The following MYH7 variants were observed in gnomAD, a reference collection of about 807,000 sequenced individuals.
MYH7 encodes the protein myosin heavy chain 7.
MYH7 carries 129 observed loss-of-function variants against 225.4 expected under a neutral mutation model. The observed-to-expected ratio is 0.57, with a 90% CI of 0.50 to 0.66. MYH7 has a LOEUF of 0.66. Ranked by LOEUF, MYH7 falls within the 30% of genes least tolerant of loss-of-function variation. The pLI, the probability that MYH7 is intolerant of heterozygous loss-of-function variation, is 0.00. For synonymous variants in MYH7, 971 were observed against 1,007.6 expected, an observed-to-expected ratio of 0.96 and a Z score of 0.69; for missense variants, 1,649 against 2,517.0, an observed-to-expected ratio of 0.66 and a Z score of 7.38.
Position 23,417,252 on chromosome 14 carries a change from C to G in MYH7, c.4420G>C (p.Ala1474Pro). ...AAGAGCTCTGTGCTGAGGGAGCGAGCCTCCTTCTGCGAGGACTCCAGCTCC... is the reference window on the plus strand; with the variant it reads ...AAGAGCTCTGTGCTGAGGGAGCGAGGCTCCTTCTGCGAGGACTCCAGCTCC... Reference protein sequence around the residue: ...QSELESSQKEARSLSTELFKL... With the variant: ...QSELESSQKEPRSLSTELFKL... The change falls in exon 32 of 40, where the codon GCT (alanine) becomes CCT (proline). Residue 1474 changes from alanine to proline, a missense_variant. Ala to Pro is a conservative substitution (Grantham distance 27). This residue lies in a region of MYH7 where 687 missense variants were observed against 913.8 expected (regional missense o/e 0.75). Coordinates refer to ENST00000355349, the MANE Select transcript of MYH7 (RefSeq NM_000257.4). The G allele has an allele frequency of 1.2e-6, 2 of 1,614,182 alleles. No individual in the cohort carries two copies. Among genetic ancestry groups the G allele is most frequent in the Non-Finnish European group, 1.7e-6 (2 of 1,180,024 alleles).
At chr14:23,426,567 A>G (rs1168190463) in intron 18 of MYH7, among the ~76,000 whole-genome samples, 3 of 152,266 alleles carry the variant, frequency 2.0e-5, no homozygotes, top group Admixed American at 6.5e-5. Context: ...GGTAATGTCC[A>G]TCAGAGTGCC....
At chr14:23,418,470 C>A in intron 29 of MYH7, 64 bp from the exon 30 acceptor site, 1 of 1,513,406 alleles carries the variant, frequency 6.6e-7, no homozygotes, top group South Asian at 1.3e-5. Flanking sequence ...CCACCCTTGC[C>A]CTTCTCCTCA....
rs397516112 is a variant in MYH7, at chr14:23,433,577, C to G, written c.156G>C (p.Val52=). ...DKQEFVKAKI[V]SREGGKVTAE... is the part of the protein sequence containing the mutation. Reference sequence around the variant, plus strand: ...CAGTGACTTTGCCACCCTCTCGAGACACGATCTTGGCCTTGACAAACTCCT... The same window carrying G: ...CAGTGACTTTGCCACCCTCTCGAGAGACGATCTTGGCCTTGACAAACTCCT... The change falls in exon 3 of 40, where the codon GTG becomes GTC. Residue 52 remains valine, a synonymous_variant. Transcript: ENST00000355349. The surrounding 1 kb of genome is among the most constrained non-coding windows in gnomAD (Gnocchi z 4.1). 6.2e-7 allele frequency: 1 copy of G among 1,614,254 alleles called. No homozygotes were observed.
At chr14:23,431,332 G>C in intron 9 of MYH7, 86 bp downstream of exon 9, 1 of 1,319,436 alleles carries the variant, frequency 7.6e-7, no homozygotes, top group Non-Finnish European at 1.1e-6. Flanking sequence ...AACAGAGGGA[G>C]GGAGGGGAGA....
chr14:23,417,176 T>C lies in MYH7; in HGVS notation c.4496A>G (p.Lys1499Arg), dbSNP rs1334722181. The C allele has an allele frequency of 6.2e-7, 1 of 1,614,200 alleles. No homozygotes were observed. Among genetic ancestry groups the C allele is most frequent in the East Asian group, 2.2e-5 (1 of 44,870 alleles). Residue 1499 changes from lysine (K) to arginine (R), a missense_variant, in exon 32 of 40, where the codon AAG (lysine) becomes AGG (arginine). Lys to Arg is a conservative substitution (Grantham distance 26). Coordinates refer to ENST00000355349, the MANE Select transcript of MYH7 (RefSeq NM_000257.4). ...EESLEHLETFKRENKNLQEEI... is the reference protein window; with the variant it reads ...EESLEHLETFRRENKNLQEEI... ...ACCCTGCAGGTTTTTGTTCTCCCGC[T>C]TGAAGGTCTCCAGATGTTCCAGGGA...
At position 23,420,111 on chromosome 14, in the gene MYH7, C is replaced by T. The variant is rs1211784451; in HGVS notation, c.3460G>A (p.Gly1154Ser). Reference sequence around the variant, plus strand: ...TCGATCTGCACGGACGTGGCCCCGCCGGCCTCTTCCAGCCGCTCGCTGATC... The same window carrying T: ...TCGATCTGCACGGACGTGGCCCCGCTGGCCTCTTCCAGCCGCTCGCTGATC... ...EEISERLEEA[G>S]GATSVQIEMN... is the part of the protein sequence containing the mutation. Residue 1154 changes from glycine (G) to serine (S), a missense_variant, in exon 27 of 40, where the codon GGC becomes AGC. Physicochemically the swap from Gly to Ser is moderately conservative, Grantham distance 56. Transcript: ENST00000355349. 18 of 1,604,348 alleles carry T rather than the reference C, an allele frequency of 1.1e-5. No individual in the cohort carries two copies. Among genetic ancestry groups the T allele is most frequent in the Admixed American group, 1.7e-5 (1 of 59,550 alleles).
At chr14:23,422,632 C>CTTTT (rs33928947) in intron 24 of MYH7, among the ~76,000 whole-genome samples, 11 of 116,108 alleles carry the variant, frequency 9.5e-5, no homozygotes, top group African/African-American at 1.3e-4. Flanking sequence ...TTCCTTCCTC[C>CTTTT]TTTTTTTTTT....
chr14:23,428,095 G>C (rs1892768428), intron 15 of MYH7, among the ~76,000 whole-genome samples: 1 of 152,188 alleles, frequency 6.6e-6, no homozygotes, highest in Middle Eastern at 3.2e-3. Context: ...CTTTGTGAAA[G>C]TCTGGGAATA....
chr14:23,419,097 G>A, intron 29 of MYH7, 80 bp downstream of exon 29: 2 of 1,248,278 alleles, frequency 1.6e-6, no homozygotes, highest in African/African-American at 1.8e-5. Flanking sequence ...CAGCCTTATT[G>A]CTGGGAAGGG....
chr14:23,428,957 C>T lies in MYH7; in HGVS notation c.1405G>A (p.Asp469Asn), dbSNP rs397516106. Residue 469 changes from aspartate (D) to asparagine (N), a missense_variant and splice_region_variant, in exon 14 of 40, where the codon GAT becomes AAT. Asp to Asn is a conservative substitution (Grantham distance 23). Transcript: ENST00000355349. The part of the protein sequence containing the change: ...VLDIAGFEIF[D>N]FNSFEQLCIN... ...CACTCCCAGGGGTCCCAACTCACAT[C>T]GAAGATCTCGAAGCCAGCGATGTCC... 2.8e-5 allele frequency: 45 copies of T among 1,614,038 alleles called. No individual in the cohort carries two copies. The highest frequency in any genetic ancestry group is 3.6e-5 in the Non-Finnish European group (43 of 1,180,036).
chr14:23,425,391 G>A lies in MYH7; in HGVS notation c.2314C>T (p.Leu772=). 1.2e-6 allele frequency: 2 copies of A among 1,614,162 alleles called. No homozygotes were observed. Among genetic ancestry groups the A allele is most frequent in the Non-Finnish European group, 8.5e-7 (1 of 1,180,034 alleles). ...CTCTCGTCCCTCATTTCCTCCAGCA[G>A]CCCCAGCAGCCCGGCCTTGAAGAAC... is the stretch of plus-strand genomic sequence containing the variant. ...KVFFKAGLLG[L]LEEMRDERLS... Residue 772 remains leucine, a synonymous_variant, in exon 21 of 40, where the codon CTG becomes TTG. Transcript: ENST00000355349. This position sits in a 1 kb window ranked among gnomAD's most constrained non-coding sequence, Gnocchi z 4.6.
At position 23,429,799 on chromosome 14, in the gene MYH7, G is replaced by A. The variant is rs1892853089; in HGVS notation, c.1114C>T (p.Gln372Ter). 1 of 1,612,834 alleles carries A rather than the reference G, an allele frequency of 6.2e-7. No homozygotes were observed. Reference protein sequence around the residue: ...MKFKLKQREEQAEPDGTEEAD... With the variant: ...MKFKLKQREE The stretch of plus-strand genomic sequence containing the variant: ...CCTTCAGTGCCGTCTGGCTCCGCCT[G>A]CTCCTCCCGCTGCTTCAGCTTGAAC... The change falls in exon 12 of 40, where the codon CAG becomes TAG. Residue 372 changes from glutamine to a stop codon, truncating the protein, a stop_gained. Coordinates refer to ENST00000355349, the MANE Select transcript of MYH7 (RefSeq NM_000257.4). LOFTEE classifies it high-confidence loss of function.
At position 23,428,864 on chromosome 14, in the gene MYH7, T is replaced by C. The variant is rs902251713; in HGVS notation, c.1407+91A>G. The C allele has an allele frequency of 6.9e-6, 11 of 1,602,210 alleles. No individual in the cohort carries two copies. In the African/African-American group the frequency reaches 1.5e-4, roughly 21 times the overall value. On this transcript the variant is annotated intron_variant, in intron 14 of 39. Transcript: ENST00000355349. ...CCACACAGTCCCCACTGCCTTCCCATGTCTGGTCCACAGCTGGCTCTAAGC... is the reference window on the plus strand; with the variant it reads ...CCACACAGTCCCCACTGCCTTCCCACGTCTGGTCCACAGCTGGCTCTAAGC...
rs375323916 is a variant in MYH7 at position 23,421,000 on chromosome 14, C to A, written c.3294G>T (p.Gln1098His). 4 of 1,612,586 alleles carry A rather than the reference C, an allele frequency of 2.5e-6. No homozygotes were observed. The African/African-American group carries it at 5.3e-5, about 22-fold the overall frequency. Residue 1098 changes from glutamine to histidine, a missense_variant, in exon 26 of 40, where the codon CAG becomes CAT. Gln to His is a conservative substitution (Grantham distance 24, BLOSUM62 0). Around this residue, in one of 12 missense-constraint regions of MYH7, gnomAD observed 282 missense variants for 315.3 expected, o/e 0.89. Transcript: ENST00000355349. ...TCTTCTGCAGCTGGCTGCCGAGGGC[C>A]TGTTCATCCTCAATCCTTGCGTTGA... ...NALNARIEDE[Q>H]ALGSQLQKKL...
At chr14:23,418,442 T>C in intron 29 of MYH7, 36 bp from the exon 30 acceptor site, 1 of 1,576,420 alleles carries the variant, frequency 6.3e-7, no homozygotes, top group Non-Finnish European at 8.6e-7. Context: ...TGGGTTCAGC[T>C]TTCTCCATAA....
At chr14:23,429,710 T>C in intron 12 of MYH7, 65 bp downstream of exon 12, 1 of 1,587,266 alleles carries the variant, frequency 6.3e-7, no homozygotes, top group South Asian at 1.1e-5. Context: ...AGAAGAGAGA[T>C]GACTGCTGAG....
rs887808676 is a variant in MYH7 at position 23,432,812 on chromosome 14, A to G, written c.346-17T>C. 1.9e-6 allele frequency: 3 copies of G among 1,614,072 alleles called. No individual in the cohort carries two copies. The African/African-American group carries it at 4.0e-5, about 22-fold the overall frequency. On this transcript the variant is annotated splice_polypyrimidine_tract_variant and intron_variant, in intron 4 of 39. Coordinates refer to ENST00000355349, the MANE Select transcript of MYH7 (RefSeq NM_000257.4). ...CGAGTAGGTCTGGGGATAGAAAAGG[A>G]GCAGTGACTTGCCAGTTGCGAAGGG...
rs1892158610 is a variant in MYH7, at chr14:23,415,524, T to C, written c.5158-18A>G. ...CTGGTGTTCTGGGTTGGGGGAGGGTTGGGCAGAGCAGGAAAAGCATTGAGC... is the reference window on the plus strand; with the variant it reads ...CTGGTGTTCTGGGTTGGGGGAGGGTCGGGCAGAGCAGGAAAAGCATTGAGC... On this transcript the variant is annotated intron_variant, in intron 35 of 39. Transcript: ENST00000355349. The surrounding 1 kb of genome is among the most constrained non-coding windows in gnomAD (Gnocchi z 6.3). 6.2e-7 allele frequency: 1 copy of C among 1,613,962 alleles called. No individual in the cohort carries two copies. The highest frequency in any genetic ancestry group is 8.5e-7 in the Non-Finnish European group (1 of 1,180,002).
At chr14:23,426,939 G>A in intron 17 of MYH7, 75 bp from the exon 18 acceptor site, 4 of 1,342,012 alleles carry the variant, frequency 3.0e-6, no homozygotes, top group East Asian at 2.3e-5. Context: ...AGGAGAAGAA[G>A]GAAGGAAAAG....
Sources: gnomAD v4.1 joint callset for allele counts (sites outside exome capture counted in the v4.1 genomes callset) on GRCh38, gnomAD v4.1.1 for gene constraint, gnomAD v4.1.1 regional missense constraint, Gnocchi (gnomAD v3.1) non-coding constraint, MANE v1.5 for transcripts, NCBI Gene and HGNC (gene_info 2026-07-23, HGNC 2026-07-21) for gene names.